RAPGEF2: variants seen among roughly 807,000 people sequenced by gnomAD.
The protein encoded by RAPGEF2 is Rap guanine nucleotide exchange factor 2, also known as PDZ domain containing guanine nucleotide exchange factor (GEF) 1.
Under a neutral mutation model 186.7 loss-of-function variants are expected in RAPGEF2, and 54 were observed. The ratio of observed to expected loss-of-function variants is 0.29; its 90% CI spans 0.23 to 0.36. The LOEUF (loss-of-function observed/expected upper bound fraction) is 0.36, where lower values mean the gene tolerates loss of function less well. Ranked by LOEUF, RAPGEF2 falls within the 10% of genes least tolerant of loss-of-function variation. The probability of loss-of-function intolerance (pLI) is 1.00; values close to 1 mark genes in which losing one functional copy is unlikely to be tolerated. For missense variants in RAPGEF2, 1,532 were observed against 2,045.0 expected, an observed-to-expected ratio of 0.75 and a Z score of 4.84; for synonymous variants, 712 against 705.9, an observed-to-expected ratio of 1.01 and a Z score of -0.14.
intron 4 of RAPGEF2, among the ~76,000 whole-genome samples, chr4:159,220,082 A>G (rs1228757228): frequency 6.6e-6 from 1 of 152,224 alleles, no homozygotes; most frequent in Non-Finnish European, 1.5e-5. Flanking sequence ...GTCCTATGTG[A>G]CCTAACAGGA....
In RAPGEF2 at chr4:159,323,452, G is replaced by T. The variant is rs754068276; in HGVS notation, c.991-7G>T. 6.3e-7 allele frequency: 1 copy of T among 1,575,838 alleles called. No individual in the cohort carries two copies. On this transcript the variant is annotated splice_region_variant and splice_polypyrimidine_tract_variant and intron_variant, in intron 10 of 29. Coordinates refer to ENST00000691494, the MANE Select transcript of RAPGEF2 (RefSeq NM_001394067.2). The stretch of plus-strand genomic sequence containing the variant: ...CTTTCTGCTTTGTCTTTATTTTTTT[G>T]GATTAGCTGGACTCCTGGTCAGTGA...
intron 1 of RAPGEF2, among the ~76,000 whole-genome samples, chr4:159,145,152 A>G (rs1395762374): frequency 6.6e-6 from 1 of 151,784 alleles, no homozygotes; most frequent in Non-Finnish European, 1.5e-5. Context: ...AAATGCTGGG[A>G]TTACAGCCGT....
rs1737393867 is a variant in RAPGEF2 at position 159,103,352 on chromosome 4, C to G, written c.-811C>G. 2 of 151,470 alleles carry G rather than the reference C, an allele frequency of 1.3e-5. No individual in the cohort carries two copies. The highest frequency in any genetic ancestry group is 3.5e-4 in the South Asian group (2 of 5,658). The allele number at this position is 151,470 out of a possible 1,614,324, so 9.4% of individuals were successfully genotyped here. A position where few individuals can be genotyped will look rare whatever the true frequency, so the allele number is the denominator to read the frequency against. ...CCGGGTGCTCTGGCCGCGGCGGCGCCGGCGCCGGGGCAGCTCCGCTCCGGG... is the reference window on the plus strand; with the variant it reads ...CCGGGTGCTCTGGCCGCGGCGGCGCGGGCGCCGGGGCAGCTCCGCTCCGGG... On this transcript the variant is annotated 5_prime_UTR_variant, in exon 1 of 30. Transcript: ENST00000691494.
At position 159,136,061 on chromosome 4, in the gene RAPGEF2, C is replaced by A. The variant is rs115954843; in HGVS notation, c.69+31830C>A. On this transcript the variant is annotated intron_variant, in intron 1 of 29. Transcript: ENST00000691494. ...AATATTGAATCAATACCATTAACTG[C>A]AGATTTTATTTGGATTTTGCCAGAT... 8.4e-3 allele frequency among the ~76,000 whole-genome samples: 1,286 copies of A among 152,276 alleles called. 22 individuals carry two copies. Among genetic ancestry groups the A allele is most frequent in the African/African-American group, 0.029 (1,222 of 41,528 alleles).
intron 4 of RAPGEF2, among the ~76,000 whole-genome samples, chr4:159,220,260 T>C (rs1751405653): frequency 6.6e-6 from 1 of 151,954 alleles, no homozygotes; most frequent in Admixed American, 6.6e-5. Context: ...TAGGAGACAC[T>C]AGCACGTGTT....
At chr4:159,279,860 T>A (rs1208363166) in intron 7 of RAPGEF2, among the ~76,000 whole-genome samples, 1 of 152,040 alleles carries the variant, frequency 6.6e-6, no homozygotes, top group African/African-American at 2.4e-5. Context: ...TGTGGATTTT[T>A]TTTGGTAGAG....
At chr4:159,232,002 T>A (rs2111440167) in intron 4 of RAPGEF2, among the ~76,000 whole-genome samples, 1 of 152,324 alleles carries the variant, frequency 6.6e-6, no homozygotes, top group African/African-American at 2.4e-5. Flanking sequence ...TCCTAAGATT[T>A]GCTGTTTGTT....
intron 7 of RAPGEF2, among the ~76,000 whole-genome samples, chr4:159,299,983 A>G (rs1387991647): frequency 1.3e-5 from 2 of 151,926 alleles, no homozygotes; most frequent in East Asian, 3.9e-4. Context: ...TGTGCCAGGC[A>G]CTTCTCTAAG....
rs1398001409 is a variant in RAPGEF2, at chr4:159,304,656, A to C, written c.675+183A>C. Among the ~76,000 whole-genome samples the C allele has an allele frequency of 4.6e-5, 7 of 152,178 alleles. No homozygotes were observed. The East Asian group carries it at 1.3e-3, about 29-fold the overall frequency. ...TAGGGTGTAGAACTGCTGTCTGATT[A>C]TACTGCCTCTGCTATGACGAGTTAT... is the stretch of plus-strand genomic sequence containing the variant. On this transcript the variant is annotated intron_variant, in intron 8 of 29. Coordinates refer to ENST00000691494, the MANE Select transcript of RAPGEF2 (RefSeq NM_001394067.2).
At chr4:159,254,656 G>A (rs533215022) in intron 7 of RAPGEF2, among the ~76,000 whole-genome samples, 45 of 150,266 alleles carry the variant, frequency 3.0e-4, no homozygotes, top group Non-Finnish European at 3.2e-4. Flanking sequence ...TCACCCAGGC[G>A]GGAGTGAGGT....
intron 16 of RAPGEF2, among the ~76,000 whole-genome samples, 153 bp from the exon 17 acceptor site, chr4:159,332,298 G>A (rs764090373): frequency 1.5e-4 from 23 of 151,872 alleles, no homozygotes; most frequent in Non-Finnish European, 2.9e-5. Context: ...GGCGTGATTC[G>A]TTTACTGTGT....
intron 1 of RAPGEF2, among the ~76,000 whole-genome samples, chr4:159,117,202 A>G (rs1040791880): frequency 2.0e-5 from 3 of 152,342 alleles, no homozygotes; most frequent in Admixed American, 2.0e-4. Flanking sequence ...GAGGAATTTG[A>G]TAGCATTTCA....
intron 3 of RAPGEF2, among the ~76,000 whole-genome samples, chr4:159,200,680 C>G (rs975129271): frequency 6.6e-6 from 1 of 151,976 alleles, no homozygotes; most frequent in Non-Finnish European, 1.5e-5. Context: ...CTGACTTTTC[C>G]TGTTTTGTTG....
At chr4:159,198,518 T>A (rs1452213332) in intron 3 of RAPGEF2, among the ~76,000 whole-genome samples, 1 of 151,840 alleles carries the variant, frequency 6.6e-6, no homozygotes, top group Non-Finnish European at 1.5e-5. Flanking sequence ...CGATCTGAGC[T>A]CACTGCAACC....
chr4:159,343,921 T>C, intron 22 of RAPGEF2, 115 bp from the exon 23 acceptor site: 1 of 1,046,834 alleles, frequency 9.6e-7, no homozygotes, highest in Non-Finnish European at 1.5e-6. Flanking sequence ...CAGTTTAATG[T>C]TTGTGGGCTT....
chr4:159,177,571 C>T lies in RAPGEF2; in HGVS notation c.70-9071C>T, dbSNP rs12513331. Among the ~76,000 whole-genome samples, 1,473 of 152,262 alleles carry T rather than the reference C, an allele frequency of 9.7e-3. 75 individuals are homozygous for T. The highest frequency in any genetic ancestry group is 0.089 in the Admixed American group (1,358 of 15,296). On this transcript the variant is annotated intron_variant, in intron 1 of 29. Transcript: ENST00000691494. ...CCCATCTGACTCCAAAGCTTGTATTCCTTTTATTACATCTCTCTCCTTCTT... is the reference window on the plus strand; with the variant it reads ...CCCATCTGACTCCAAAGCTTGTATTTCTTTTATTACATCTCTCTCCTTCTT...
chr4:159,199,894 C>A (rs1329478426), intron 3 of RAPGEF2, among the ~76,000 whole-genome samples: 1 of 152,144 alleles, frequency 6.6e-6, no homozygotes, highest in Non-Finnish European at 1.5e-5. Flanking sequence ...GCATATGAAT[C>A]TAAAAGAGAC....
At position 159,332,707 on chromosome 4, in the gene RAPGEF2, T is replaced by C; in HGVS notation, c.2135+10T>C. 6.2e-7 allele frequency: 1 copy of C among 1,612,670 alleles called. No individual in the cohort carries two copies. Among genetic ancestry groups the C allele is most frequent in the Non-Finnish European group, 8.5e-7 (1 of 1,179,186 alleles). ...CACAGAAACCATACAAGTAAGCATC[T>C]GCATATGTCTTCTGTGCATTATTTT... On this transcript the variant is annotated intron_variant, in intron 17 of 29. Coordinates refer to ENST00000691494, the MANE Select transcript of RAPGEF2 (RefSeq NM_001394067.2).
intron 10 of RAPGEF2, 138 bp downstream of exon 10, chr4:159,322,621 A>G: frequency 3.0e-6 from 2 of 669,656 alleles, no homozygotes; most frequent in South Asian, 2.1e-5. Flanking sequence ...GAATTATGGT[A>G]CACCTGTTAT....
Sources: allele counts gnomAD v4.1 joint callset (sites outside exome capture counted in the v4.1 genomes callset), GRCh38; gene constraint gnomAD v4.1.1; transcripts MANE v1.5; gene names NCBI Gene and HGNC (gene_info 2026-07-23, HGNC 2026-07-21).